Variants in FAM53B observed in about 807,000 individuals in gnomAD.
The protein encoded by FAM53B is protein FAM53B.
In FAM53B, 12 loss-of-function variants were observed where a neutral mutation model predicts 32.7. The observed-to-expected ratio is 0.37, with a 90% CI of 0.24 to 0.59. The LOEUF (loss-of-function observed/expected upper bound fraction) is 0.59, where lower values mean the gene tolerates loss of function less well. Ranked by LOEUF, FAM53B falls within the 20% of genes least tolerant of loss-of-function variation. The probability of loss-of-function intolerance (pLI) is 0.72; values close to 1 mark genes in which losing one functional copy is unlikely to be tolerated. For synonymous variants in FAM53B, 234 were observed against 228.7 expected, an observed-to-expected ratio of 1.02 and a Z score of -0.21; for missense variants, 477 against 577.7, an observed-to-expected ratio of 0.83 and a Z score of 1.79.
intron 1 of FAM53B, among the ~76,000 whole-genome samples, chr10:124,722,760 G>A (rs1341939346): frequency 6.6e-6 from 1 of 152,140 alleles, no homozygotes; most frequent in Non-Finnish European, 1.5e-5. Context: ...ATCTCTGGGA[G>A]GACAAACAAG....
chr10:124,641,725 A>C (rs532593547), intron 4 of FAM53B, among the ~76,000 whole-genome samples: 5 of 152,182 alleles, frequency 3.3e-5, no homozygotes, highest in Admixed American at 6.5e-5. Context: ...CTTCCTTGGG[A>C]GCCAGAGAGG....
rs546049925 is a variant in FAM53B, at chr10:124,621,863, C to A, written c.*1379G>T. 2.0e-5 allele frequency: 3 copies of A among 152,436 alleles called. No individual in the cohort carries two copies. The highest frequency in any genetic ancestry group is 4.1e-4 in the South Asian group (2 of 4,834). The allele number at this position is 152,436 out of a possible 1,614,324, so 9.4% of individuals were successfully genotyped here. A position where few individuals can be genotyped will look rare whatever the true frequency, so the allele number is the denominator to read the frequency against. ...GCCTTATGGGAAAATGAGCCACTTG[C>A]TCCTAAGCCAGCCCAATTGCTATTG... On this transcript the variant is annotated 3_prime_UTR_variant, in exon 5 of 5. Coordinates refer to ENST00000337318, the MANE Select transcript of FAM53B (RefSeq NM_014661.4).
chr10:124,632,684 G>A (rs1002296880), intron 4 of FAM53B, among the ~76,000 whole-genome samples: 1 of 152,214 alleles, frequency 6.6e-6, no homozygotes, highest in Non-Finnish European at 1.5e-5. Context: ...TGTCTTCCAT[G>A]GAGGGCACAC....
chr10:124,683,518 T>A (rs2134069500), intron 3 of FAM53B, among the ~76,000 whole-genome samples: 1 of 152,282 alleles, frequency 6.6e-6, no homozygotes, highest in Non-Finnish European at 1.5e-5. Context: ...GCAATGCAGA[T>A]CACTCACTGA....
chr10:124,723,357 T>C (rs1183284876), intron 1 of FAM53B, among the ~76,000 whole-genome samples: 1 of 152,220 alleles, frequency 6.6e-6, no homozygotes, highest in Non-Finnish European at 1.5e-5. Flanking sequence ...TTCCGATAGC[T>C]ATCAAAATGT....
intron 1 of FAM53B, 125 bp from the exon 2 acceptor site, chr10:124,707,012 A>T: frequency 1.2e-6 from 1 of 822,646 alleles, no homozygotes. Context: ...AAGGAGATGC[A>T]CTCTGGGAGA....
intron 3 of FAM53B, among the ~76,000 whole-genome samples, chr10:124,686,110 C>T (rs937170269): frequency 2.6e-5 from 4 of 152,208 alleles, no homozygotes; most frequent in African/African-American, 9.7e-5. Flanking sequence ...ACAACTCCTC[C>T]CCCCAGCTTT....
chr10:124,649,469 G>A (rs758279162), intron 4 of FAM53B, among the ~76,000 whole-genome samples: 54 of 152,306 alleles, frequency 3.5e-4, no homozygotes, highest in Non-Finnish European at 5.7e-4. Context: ...AGGCCTGGCC[G>A]GCCCCACCTC....
At chr10:124,661,056 T>TAAAAAAA (rs57830542) in intron 4 of FAM53B, among the ~76,000 whole-genome samples, 52 of 130,512 alleles carry the variant, frequency 4.0e-4, no homozygotes, top group African/African-American at 1.2e-3. Flanking sequence ...CTACTGAAAT[T>TAAAAAAA]AAAAAAAAAA....
At chr10:124,646,458 C>A (rs769319992) in intron 4 of FAM53B, among the ~76,000 whole-genome samples, 2 of 152,212 alleles carry the variant, frequency 1.3e-5, no homozygotes, top group Non-Finnish European at 2.9e-5. Context: ...CAAACGGAAC[C>A]GTTTTGTTAC....
chr10:124,723,873 C>T (rs1459876628), intron 1 of FAM53B, among the ~76,000 whole-genome samples: 1 of 152,210 alleles, frequency 6.6e-6, no homozygotes, highest in Non-Finnish European at 1.5e-5. Context: ...TACTCAGAAA[C>T]AAAAAGTATT....
At chr10:124,675,665 G>T (rs539313263) in intron 4 of FAM53B, among the ~76,000 whole-genome samples, 1 of 152,202 alleles carries the variant, frequency 6.6e-6, no homozygotes, top group Non-Finnish European at 1.5e-5. Context: ...TGACTCCGAA[G>T]CTCCCACTTC....
chr10:124,729,011 G>A (rs1950124520), intron 1 of FAM53B, among the ~76,000 whole-genome samples: 1 of 152,248 alleles, frequency 6.6e-6, no homozygotes, highest in Non-Finnish European at 1.5e-5. Context: ...CTCCTGCCCA[G>A]CGGGGCTAGT....
chr10:124,627,248 C>T (rs1180163761), intron 4 of FAM53B, among the ~76,000 whole-genome samples: 3 of 152,176 alleles, frequency 2.0e-5, no homozygotes, highest in African/African-American at 7.2e-5. Context: ...TGCAGACACC[C>T]AGGGTGTGCC....
chr10:124,681,902 C>A lies in FAM53B; in HGVS notation c.611G>T (p.Cys204Phe), dbSNP rs139630497. 2.5e-6 allele frequency: 4 copies of A among 1,613,806 alleles called. No individual in the cohort carries two copies. In the East Asian group the frequency reaches 6.7e-5, roughly 27 times the overall value. Reference sequence around the variant, plus strand: ...GCTCCAGGTGTCACCTGCCTGTCCACACGGGGCTGAGCCTGGCACCCCTTG... The same window carrying A: ...GCTCCAGGTGTCACCTGCCTGTCCAAACGGGGCTGAGCCTGGCACCCCTTG... ...PCQGVPGSAP[C>F]GQAGDTWSPD... Residue 204 changes from cysteine (C) to phenylalanine (F), a missense_variant, in exon 4 of 5, where the codon TGT becomes TTT. Physicochemically the swap from Cys to Phe is radical, Grantham distance 205. Around this residue, in one of 2 missense-constraint regions of FAM53B, gnomAD observed 312 missense variants for 420.2 expected, o/e 0.74. Coordinates refer to ENST00000337318, the MANE Select transcript of FAM53B (RefSeq NM_014661.4).
intron 1 of FAM53B, among the ~76,000 whole-genome samples, chr10:124,714,415 A>G (rs1384087351): frequency 6.6e-6 from 1 of 152,082 alleles, no homozygotes; most frequent in Non-Finnish European, 1.5e-5. Flanking sequence ...CTGCTGAGAA[A>G]CAACTAACAA....
chr10:124,740,043 G>A (rs1298800773), intron 1 of FAM53B, among the ~76,000 whole-genome samples: 1 of 152,102 alleles, frequency 6.6e-6, no homozygotes, highest in Middle Eastern at 3.2e-3. Context: ...ACTGTGAGGG[G>A]AAAGAAAATA....
intron 4 of FAM53B, among the ~76,000 whole-genome samples, chr10:124,660,878 T>C (rs2134056401): frequency 6.6e-6 from 1 of 152,288 alleles, no homozygotes; most frequent in East Asian, 1.9e-4. Flanking sequence ...AGACAACATG[T>C]ATGTATCCAG....
intron 4 of FAM53B, among the ~76,000 whole-genome samples, chr10:124,625,808 T>C (rs1360333362): frequency 6.6e-6 from 1 of 152,208 alleles, no homozygotes; most frequent in African/African-American, 2.4e-5. Flanking sequence ...CTCAGCCGTG[T>C]GTCCCGGGCT....
Sources: allele counts gnomAD v4.1 joint callset (sites outside exome capture counted in the v4.1 genomes callset), GRCh38; gene constraint gnomAD v4.1.1; regional missense constraint gnomAD v4.1.1; transcripts MANE v1.5; gene names NCBI Gene and HGNC (gene_info 2026-07-23, HGNC 2026-07-21).